ITGA1: variants seen among roughly 807,000 people sequenced by gnomAD.
ITGA1 encodes integrin subunit alpha 1.
ITGA1 carries 85 observed loss-of-function variants against 145.9 expected under a neutral mutation model. The observed-to-expected ratio is 0.58, with a 90% confidence interval of 0.49 to 0.70. The LOEUF (loss-of-function observed/expected upper bound fraction) is 0.70. Among genes scored for constraint, ITGA1 ranks in the 30% least tolerant of loss-of-function variants. The pLI, the probability that ITGA1 is intolerant of heterozygous loss-of-function variation, is 0.00. For synonymous variants in ITGA1, 520 were observed against 495.3 expected, an observed-to-expected ratio of 1.05 and a Z score of -0.66; for missense variants, 1,351 against 1,418.7, an observed-to-expected ratio of 0.95 and a Z score of 0.77.
At chr5:52,872,140 G>A (rs973070502) in intron 6 of ITGA1, among the ~76,000 whole-genome samples, 1 of 150,234 alleles carries the variant, frequency 6.7e-6, no homozygotes, top group African/African-American at 2.5e-5. Flanking sequence ...AAATGAAACA[G>A]AGAAATTAAT....
At chr5:52,911,971 A>G (rs1177976699) in intron 14 of ITGA1, among the ~76,000 whole-genome samples, 3 of 74,706 alleles carry the variant, frequency 4.0e-5, no homozygotes, top group Non-Finnish European at 8.8e-5. Context: ...TAGTGTATCT[A>G]CTATATATAC....
intron 14 of ITGA1, among the ~76,000 whole-genome samples, chr5:52,912,418 T>C (rs527969115): frequency 1.1e-3 from 166 of 146,388 alleles, no homozygotes; most frequent in Non-Finnish European, 1.9e-3. Context: ...ATATATAGTG[T>C]ATCCACTATA....
intron 1 of ITGA1, among the ~76,000 whole-genome samples, chr5:52,813,286 T>A (rs936833496): frequency 2.6e-5 from 4 of 152,094 alleles, no homozygotes; most frequent in African/African-American, 9.7e-5. Flanking sequence ...AGCTATTAGG[T>A]TAGATGTTAG....
chr5:52,818,700 T>G (rs28694494), intron 1 of ITGA1, among the ~76,000 whole-genome samples: 2 of 152,204 alleles, frequency 1.3e-5, no homozygotes, highest in Non-Finnish European at 2.9e-5. Context: ...TTTTTTGTCA[T>G]AGTAACAGAG....
Position 52,811,034 on chromosome 5 carries a change from G to T in ITGA1, c.61+22620G>T, listed in dbSNP as rs985908304. ...AGTAGCGCAACCAGCTTTCACATCT[G>T]TATGAAATTTAGGACTTTGCAAAGG... On this transcript the variant is annotated intron_variant, in intron 1 of 28. Coordinates refer to ENST00000282588, the MANE Select transcript of ITGA1 (RefSeq NM_181501.2). 9.8e-5 allele frequency among the ~76,000 whole-genome samples: 15 copies of T among 152,292 alleles called. 1 individual carries two copies. The highest frequency in any genetic ancestry group is 3.6e-4 in the African/African-American group (15 of 41,558).
chr5:52,834,267 G>C (rs1749120701), intron 1 of ITGA1, among the ~76,000 whole-genome samples: 1 of 152,176 alleles, frequency 6.6e-6, no homozygotes, highest in Admixed American at 6.5e-5. Context: ...AGACTGGGTG[G>C]CTAATATAAC....
intron 1 of ITGA1, 41 bp downstream of exon 1, chr5:52,788,455 G>C (rs1318314125): frequency 1.4e-6 from 2 of 1,430,586 alleles, no homozygotes; most frequent in Non-Finnish European, 1.8e-6. Context: ...CTGCTCGCGG[G>C]CTTGGGGCTT....
rs575882196 is a variant in ITGA1, at chr5:52,911,324, T to C, written c.1857+905T>C. 4.5e-5 allele frequency among the ~76,000 whole-genome samples: 6 copies of C among 134,442 alleles called. No individual in the cohort carries two copies. In the East Asian group the frequency reaches 1.3e-3, roughly 29 times the overall value. 88.2% of individuals were successfully genotyped at this position (134,442 alleles called of 152,430 possible). A position where few individuals can be genotyped will look rare whatever the true frequency, so the allele number is the denominator to read the frequency against. On this transcript the variant is annotated intron_variant, in intron 14 of 28. Coordinates refer to ENST00000282588, the MANE Select transcript of ITGA1 (RefSeq NM_181501.2). ...TATATAGTATATAGTGTATATATAG[T>C]GTATATAGTGTATATATAGTATATA...
At position 52,947,422 on chromosome 5, in the gene ITGA1, A is replaced by T; in HGVS notation, c.3456A>T (p.Gly1152=). The stretch of plus-strand genomic sequence containing the variant: ...TCATCCTGCTGAGTGCTTTTGCCGG[A>T]TTGTTGCTGTTAATGCTGCTCATTT... The part of the protein sequence containing the change: ...LWVILLSAFA[G]LLLLMLLILA... Residue 1152 remains glycine, a synonymous_variant, in exon 28 of 29, where the codon GGA becomes GGT. Coordinates refer to ENST00000282588, the MANE Select transcript of ITGA1 (RefSeq NM_181501.2). 1 of 1,613,642 alleles carries T rather than the reference A, an allele frequency of 6.2e-7. No homozygotes were observed. Among genetic ancestry groups the T allele is most frequent in the Non-Finnish European group, 8.5e-7 (1 of 1,179,616 alleles).
chr5:52,813,739 G>A (rs943379202), intron 1 of ITGA1, among the ~76,000 whole-genome samples: 1 of 152,134 alleles, frequency 6.6e-6, no homozygotes, highest in African/African-American at 2.4e-5. Flanking sequence ...CAGGATAACG[G>A]ACTATTCTAT....
At chr5:52,825,199 C>G (rs1748940858) in intron 1 of ITGA1, 1 of 152,154 alleles carries the variant, frequency 6.6e-6, no homozygotes, top group Non-Finnish European at 1.5e-5. Context: ...TGAAATCAGA[C>G]AATAAAAAGG....
chr5:52,912,372 ATATGTATTATATATAGTGTATCCAGTG>A (rs1561247086), intron 14 of ITGA1, among the ~76,000 whole-genome samples: 1 of 145,466 alleles, frequency 6.9e-6, no homozygotes, highest in African/African-American at 2.5e-5. Context: ...TGTATCCAGT[ATATGTATTATATATAGTGTATCCAGTG>A]TATGTATTAT....
In ITGA1 at chr5:52,835,457, G is replaced by A. The variant is rs551906386; in HGVS notation, c.62-13908G>A. Among the ~76,000 whole-genome samples the A allele has an allele frequency of 1.8e-4, 28 of 152,202 alleles. No homozygotes were observed. The South Asian group carries it at 5.8e-3, about 32-fold the overall frequency. On this transcript the variant is annotated intron_variant, in intron 1 of 28. Coordinates refer to ENST00000282588, the MANE Select transcript of ITGA1 (RefSeq NM_181501.2). ...TTGAAGAAAGGAATTTCCAGAAGTG[G>A]GGAAAACTTTAGCAGAAGTTCGATT...
Position 52,956,670 on chromosome 5 carries a change from G to A in ITGA1, c.*4219G>A, listed in dbSNP as rs911504167. On this transcript the variant is annotated 3_prime_UTR_variant, in exon 29 of 29. Transcript: ENST00000282588. ...GGACACTATCAGCAACTACGCCTGG[G>A]GAAGCTAGCAGGATTTAGCTCTTCA... 2 of 152,176 alleles carry A rather than the reference G, an allele frequency of 1.3e-5. No individual in the cohort carries two copies. Among genetic ancestry groups the A allele is most frequent in the Admixed American group, 6.5e-5 (1 of 15,272 alleles). The allele number at this position is 152,176 out of a possible 1,614,324, so 9.4% of individuals were successfully genotyped here.
intron 23 of ITGA1, among the ~76,000 whole-genome samples, chr5:52,937,062 AG>A (rs57676304): frequency 0.28 from 36,762 of 132,206 alleles, 4,958 homozygotes; most frequent in African/African-American, 0.38. Flanking sequence ...AAAAAAAAAA[AG>A]AAAGAAAAAG....
Position 52,925,260 on chromosome 5 carries a change from TTCCTG to T in ITGA1, c.2404-15_2404-11del. 1 of 1,602,368 alleles carries T rather than the reference TTCCTG, an allele frequency of 6.2e-7. No individual in the cohort carries two copies. The highest frequency in any genetic ancestry group is 2.2e-5 in the East Asian group (1 of 44,798). ...GCGTAGCTAAATTTTGAAAAATTCT[TTCCTG>T]TCATCATTTCAGATTCCCTTTGCCA... On this transcript the variant is annotated splice_polypyrimidine_tract_variant and intron_variant, in intron 18 of 28. Transcript: ENST00000282588.
chr5:52,930,564 G>A (rs1561252774), intron 21 of ITGA1, among the ~76,000 whole-genome samples: 1 of 151,986 alleles, frequency 6.6e-6, no homozygotes, highest in African/African-American at 2.4e-5. Flanking sequence ...GAGATAGAAA[G>A]CTTTGTCAGA....
intron 9 of ITGA1, among the ~76,000 whole-genome samples, chr5:52,895,806 T>C (rs1750215254): frequency 6.6e-6 from 1 of 152,218 alleles, no homozygotes; most frequent in Non-Finnish European, 1.5e-5. Flanking sequence ...AAATGTCTTC[T>C]ATATCATCTT....
intron 14 of ITGA1, among the ~76,000 whole-genome samples, chr5:52,911,499 G>GTATA (rs1377555424): frequency 9.3e-5 from 11 of 118,766 alleles, no homozygotes; most frequent in African/African-American, 1.9e-4. Context: ...AGTATATATA[G>GTATA]TAGATACACT....
Sources: allele counts gnomAD v4.1 joint callset (sites outside exome capture counted in the v4.1 genomes callset), GRCh38; gene constraint gnomAD v4.1.1; transcripts MANE v1.5; gene names NCBI Gene and HGNC (gene_info 2026-07-23, HGNC 2026-07-21).